The following CHN2 variants were observed in gnomAD, a reference collection of about 807,000 sequenced individuals.
The protein encoded by CHN2 is beta-chimaerin.
In CHN2, 35 loss-of-function variants were observed where a neutral mutation model predicts 56.3. That is an observed-to-expected ratio of 0.62 (90% CI 0.47 to 0.82). The LOEUF (loss-of-function observed/expected upper bound fraction) is 0.82, where lower values mean the gene tolerates loss of function less well. Among genes scored for constraint, CHN2 ranks in the 40% least tolerant of loss-of-function variants. The pLI is 0.00. For synonymous variants in CHN2, 210 were observed against 212.8 expected (o/e 0.99, Z 0.12); for missense variants, 491 against 580.5 (o/e 0.85, Z 1.58).
intron 1 of CHN2, among the ~76,000 whole-genome samples, chr7:29,327,739 T>C (rs1795922283): frequency 6.6e-6 from 1 of 152,196 alleles, no homozygotes; most frequent in East Asian, 1.9e-4. Context: ...ATAAATGCTA[T>C]AGGATAATAA....
intron 7 of CHN2, among the ~76,000 whole-genome samples, chr7:29,480,819 A>G (rs940876245): frequency 6.6e-6 from 1 of 152,200 alleles, no homozygotes; most frequent in Non-Finnish European, 1.5e-5. Context: ...TTATGCGTAG[A>G]CACCTGTGAA....
intron 6 of CHN2, among the ~76,000 whole-genome samples, chr7:29,461,140 C>T (rs894378608): frequency 2.6e-5 from 4 of 152,188 alleles, no homozygotes; most frequent in African/African-American, 9.7e-5. Context: ...TTTGAGCAAC[C>T]AATCAAGTAT....
intron 3 of CHN2, among the ~76,000 whole-genome samples, chr7:29,383,657 T>C (rs1800697253): frequency 1.3e-5 from 2 of 152,184 alleles, no homozygotes; most frequent in Admixed American, 6.5e-5. Flanking sequence ...CAGATGATGA[T>C]AAATGTCATG....
chr7:29,488,864 G>T (rs1423409717), intron 7 of CHN2, among the ~76,000 whole-genome samples: 1 of 152,202 alleles, frequency 6.6e-6, no homozygotes, highest in Non-Finnish European at 1.5e-5. Context: ...ATGTTAATCA[G>T]TAGTGCCGAG....
At chr7:29,444,961 G>C (rs531781393) in intron 6 of CHN2, among the ~76,000 whole-genome samples, 39 of 152,324 alleles carry the variant, frequency 2.6e-4, no homozygotes, top group East Asian at 3.9e-4. Flanking sequence ...GAAGAATCTT[G>C]AATAGAAGAA....
chr7:29,322,084 T>C (rs1278015540), intron 1 of CHN2, among the ~76,000 whole-genome samples: 3 of 152,190 alleles, frequency 2.0e-5, no homozygotes, highest in Non-Finnish European at 4.4e-5. Context: ...CAGAGAATTA[T>C]CAACCCCTCA....
intron 6 of CHN2, among the ~76,000 whole-genome samples, chr7:29,418,847 C>T (rs1342651862): frequency 6.6e-6 from 1 of 152,172 alleles, no homozygotes; most frequent in Non-Finnish European, 1.5e-5. Flanking sequence ...ACAAATTTGA[C>T]AACCACAGGA....
At chr7:29,475,313 G>A (rs528326863) in intron 6 of CHN2, among the ~76,000 whole-genome samples, 11 of 152,296 alleles carry the variant, frequency 7.2e-5, no homozygotes, top group African/African-American at 2.4e-4. Flanking sequence ...AGTATCTTAA[G>A]TGGTACCTGC....
chr7:29,227,238 G>T (rs770309702), intron 1 of CHN2, among the ~76,000 whole-genome samples: 1 of 152,174 alleles, frequency 6.6e-6, no homozygotes, highest in Non-Finnish European at 1.5e-5. Flanking sequence ...GCCTTGCTGG[G>T]CACTGCAGCC....
At position 29,286,500 on chromosome 7, in the gene CHN2, G is replaced by A. The variant is rs182238417; in HGVS notation, c.50-68125G>A. ...GGCTGTGTTTACCTCTGAGGTTTCC[G>A]TGGGGCAGGGGCGAAGCCAGCGTCT... On this transcript the variant is annotated intron_variant, in intron 1 of 12. Coordinates refer to ENST00000222792, the MANE Select transcript of CHN2 (RefSeq NM_004067.4). Among the ~76,000 whole-genome samples, 8 of 152,252 alleles carry A rather than the reference G, an allele frequency of 5.3e-5. No individual in the cohort carries two copies. The South Asian group carries it at 6.2e-4, about 12-fold the overall frequency.
intron 1 of CHN2, among the ~76,000 whole-genome samples, chr7:29,251,551 C>A (rs10215219): frequency 0.2 from 29,806 of 152,148 alleles, 3,482 homozygotes; most frequent in African/African-American, 0.31. Context: ...AGATATATAT[C>A]AAGCACCGAA....
intron 1 of CHN2, among the ~76,000 whole-genome samples, chr7:29,290,942 T>A (rs1370245301): frequency 6.6e-6 from 1 of 152,122 alleles, no homozygotes; most frequent in Admixed American, 6.5e-5. Context: ...GATTCAAGCG[T>A]GTGGTTAGAC....
chr7:29,504,984 G>A (rs1220892023), intron 10 of CHN2, among the ~76,000 whole-genome samples, 163 bp downstream of exon 10: 4 of 152,114 alleles, frequency 2.6e-5, no homozygotes, highest in African/African-American at 7.2e-5. Flanking sequence ...GCCTCACTGG[G>A]TGAAGTGTTA....
In CHN2 at chr7:29,512,888, T is replaced by C; in HGVS notation, c.*153T>C. 2.6e-6 allele frequency: 2 copies of C among 760,300 alleles called. No individual in the cohort carries two copies. Among genetic ancestry groups the C allele is most frequent in the Admixed American group, 3.2e-5 (1 of 31,454 alleles). 47.1% of individuals were successfully genotyped at this position (760,300 alleles called of 1,614,324 possible). On this transcript the variant is annotated 3_prime_UTR_variant, in exon 13 of 13. Coordinates refer to ENST00000222792, the MANE Select transcript of CHN2 (RefSeq NM_004067.4). ...TCGCTGAGTGGGGTACTGTGTCTCA[T>C]AGACATGCGCCACCTCCACGTGAGA... is the stretch of plus-strand genomic sequence containing the variant.
At chr7:29,219,573 A>G (rs1785610126) in intron 1 of CHN2, among the ~76,000 whole-genome samples, 1 of 152,222 alleles carries the variant, frequency 6.6e-6, no homozygotes, top group South Asian at 2.1e-4. Context: ...AACCAATTGT[A>G]GTAAGTTTAA....
At chr7:29,413,634 A>C (rs1407504934) in intron 6 of CHN2, among the ~76,000 whole-genome samples, 1 of 152,204 alleles carries the variant, frequency 6.6e-6, no homozygotes, top group Admixed American at 6.5e-5. Context: ...ACAAAGAAAC[A>C]AGAAACCCGG....
intron 6 of CHN2, among the ~76,000 whole-genome samples, chr7:29,407,345 G>A (rs548770941): frequency 6.6e-6 from 1 of 151,916 alleles, no homozygotes; most frequent in South Asian, 2.1e-4. Flanking sequence ...TTGGTCCTAG[G>A]GGGTGGAGAG....
At chr7:29,501,168 C>G (rs944914596) in intron 9 of CHN2, among the ~76,000 whole-genome samples, 11 of 152,194 alleles carry the variant, frequency 7.2e-5, no homozygotes, top group Non-Finnish European at 2.9e-5. Context: ...TTATCCCAAC[C>G]CTTTTAGAGA....
intron 8 of CHN2, among the ~76,000 whole-genome samples, chr7:29,497,297 G>C (rs1789409180): frequency 1.3e-5 from 2 of 152,166 alleles, no homozygotes; most frequent in South Asian, 4.1e-4. Flanking sequence ...TTACTCAGTG[G>C]TCATTAATTT....
Sources: allele counts gnomAD v4.1 joint callset (sites outside exome capture counted in the v4.1 genomes callset), GRCh38; gene constraint gnomAD v4.1.1; transcripts MANE v1.5; gene names NCBI Gene and HGNC (gene_info 2026-07-23, HGNC 2026-07-21).